CD247: variants seen among roughly 807,000 people sequenced by gnomAD.
CD247 encodes T-cell surface glycoprotein CD3 zeta chain.
CD247 carries 13 observed loss-of-function variants against 30.0 expected under a neutral mutation model. The ratio of observed to expected loss-of-function variants is 0.43; its 90% confidence interval spans 0.28 to 0.69. CD247 has a LOEUF of 0.69. CD247 is among the 30% of genes least tolerant of loss of function. CD247 has a pLI of 0.16. For missense variants in CD247, 193 were observed against 212.6 expected (o/e 0.91, Z 0.57); for synonymous variants, 72 against 80.0 (o/e 0.90, Z 0.53).
intron 5 of CD247, chr1:167,434,479 A>C: frequency 2.8e-6 from 1 of 352,644 alleles, no homozygotes; most frequent in Non-Finnish European, 5.5e-6. Context: ...CTCCCTCCCC[A>C]CAGGAGGGGC....
chr1:167,511,819 G>A (rs1367329994), intron 1 of CD247, among the ~76,000 whole-genome samples: 4 of 151,908 alleles, frequency 2.6e-5, no homozygotes, highest in African/African-American at 9.7e-5. Flanking sequence ...GGTTCTACTC[G>A]TAGGCAAGTC....
At chr1:167,504,778 G>T (rs1198552437) in intron 1 of CD247, among the ~76,000 whole-genome samples, 1 of 152,188 alleles carries the variant, frequency 6.6e-6, no homozygotes, top group Non-Finnish European at 1.5e-5. Flanking sequence ...GTTAGAATGG[G>T]CTTCATTAAA....
intron 7 of CD247, among the ~76,000 whole-genome samples, chr1:167,432,428 CAG>C (rs1287498252): frequency 6.6e-6 from 1 of 152,186 alleles, no homozygotes; most frequent in Non-Finnish European, 1.5e-5. Context: ...ACACTAGAGT[CAG>C]AAGAACGAGC....
chr1:167,440,482 C>T, intron 2 of CD247, 182 bp downstream of exon 2: 1 of 653,934 alleles, frequency 1.5e-6, no homozygotes. Flanking sequence ...TCCATCTCAG[C>T]CAGACACTGC....
chr1:167,439,328 G>A lies in CD247; in HGVS notation c.219+16C>T. 4 of 1,612,838 alleles carry A rather than the reference G, an allele frequency of 2.5e-6. No homozygotes were observed. The highest frequency in any genetic ancestry group is 3.4e-6 in the Non-Finnish European group (4 of 1,178,890). On this transcript the variant is annotated intron_variant, in intron 3 of 7. Transcript: ENST00000362089. ...TGCCCTTCCTTTCCGGAGGGTCTACGGCGAGGCTGACTTACGTTATAGAGC... is the reference window on the plus strand; with the variant it reads ...TGCCCTTCCTTTCCGGAGGGTCTACAGCGAGGCTGACTTACGTTATAGAGC...
intron 1 of CD247, among the ~76,000 whole-genome samples, chr1:167,481,132 C>T (rs536292813): frequency 1.3e-5 from 2 of 152,102 alleles, no homozygotes; most frequent in Admixed American, 1.3e-4. Flanking sequence ...ACAAAAAATA[C>T]AGAAATTACC....
chr1:167,447,055 G>A (rs886432143), intron 1 of CD247, among the ~76,000 whole-genome samples: 1 of 151,912 alleles, frequency 6.6e-6, no homozygotes, highest in Non-Finnish European at 1.5e-5. Flanking sequence ...TGGGAGCTCA[G>A]TAGTGTGTAG....
At chr1:167,464,419 G>C (rs2102035822) in intron 1 of CD247, among the ~76,000 whole-genome samples, 1 of 152,184 alleles carries the variant, frequency 6.6e-6, no homozygotes, top group South Asian at 2.1e-4. Context: ...TTTTCTTCAG[G>C]GGAAGATGGG....
At chr1:167,495,488 A>G (rs1478754343) in intron 1 of CD247, among the ~76,000 whole-genome samples, 1 of 152,180 alleles carries the variant, frequency 6.6e-6, no homozygotes, top group Admixed American at 6.5e-5. Context: ...TGTTTCTTGA[A>G]CAAACATCAC....
chr1:167,451,000 T>C lies in CD247; in HGVS notation c.59-10233A>G, dbSNP rs552497787. Among the ~76,000 whole-genome samples the C allele has an allele frequency of 5.3e-5, 8 of 152,062 alleles. No homozygotes were observed. The South Asian group carries it at 1.7e-3, about 32-fold the overall frequency. On this transcript the variant is annotated intron_variant, in intron 1 of 7. Coordinates refer to ENST00000362089, the MANE Select transcript of CD247 (RefSeq NM_198053.3). ...TATGAAGTGACAAAGAGATGTCTCC[T>C]GTTTTTCACAGGTGGTCAGAGCGGG...
chr1:167,491,592 A>G (rs567076311), intron 1 of CD247, among the ~76,000 whole-genome samples: 3 of 152,062 alleles, frequency 2.0e-5, no homozygotes, highest in Non-Finnish European at 2.9e-5. Flanking sequence ...TAGAACTATC[A>G]TATGGTCTAG....
intron 1 of CD247, among the ~76,000 whole-genome samples, chr1:167,473,984 C>T (rs1653645429): frequency 6.6e-6 from 1 of 152,096 alleles, no homozygotes; most frequent in Non-Finnish European, 1.5e-5. Flanking sequence ...ATGCCGTTTT[C>T]ATCTTGTACT....
At chr1:167,443,583 A>G (rs1651937735) in intron 1 of CD247, among the ~76,000 whole-genome samples, 1 of 152,232 alleles carries the variant, frequency 6.6e-6, no homozygotes, top group Non-Finnish European at 1.5e-5. Context: ...ACAGAAAATT[A>G]GAACAGAAAA....
At chr1:167,516,393 C>T (rs893186951) in intron 1 of CD247, among the ~76,000 whole-genome samples, 6 of 152,340 alleles carry the variant, frequency 3.9e-5, no homozygotes, top group Non-Finnish European at 7.3e-5. Context: ...TGCTTTGATC[C>T]TAATAATCTG....
chr1:167,464,674 TAGA>T (rs745529380), intron 1 of CD247, among the ~76,000 whole-genome samples: 16 of 152,066 alleles, frequency 1.1e-4, no homozygotes, highest in Admixed American at 2.6e-4. Flanking sequence ...ACAGGGTGAG[TAGA>T]AGAAGAGGGG....
chr1:167,487,497 A>C lies in CD247; in HGVS notation c.58+30911T>G, dbSNP rs116800295. Reference sequence around the variant, plus strand: ...ACCCACACTGCCAGGGAGCAGGTACAGGCAAGTCCCAGGACCCACTGGCAG... The same window carrying C: ...ACCCACACTGCCAGGGAGCAGGTACCGGCAAGTCCCAGGACCCACTGGCAG... On this transcript the variant is annotated intron_variant, in intron 1 of 7. Transcript: ENST00000362089. 2.5e-3 allele frequency among the ~76,000 whole-genome samples: 383 copies of C among 152,316 alleles called. 3 individuals carry two copies. Among genetic ancestry groups the C allele is most frequent in the African/African-American group, 8.6e-3 (358 of 41,562 alleles).
intron 1 of CD247, among the ~76,000 whole-genome samples, chr1:167,477,450 C>T (rs1477824289): frequency 1.3e-5 from 2 of 152,192 alleles, no homozygotes; most frequent in Non-Finnish European, 2.9e-5. Context: ...AGTTCCAGTG[C>T]CCAGAGCTTC....
intron 1 of CD247, among the ~76,000 whole-genome samples, chr1:167,470,385 T>A (rs1264490806): frequency 1.3e-5 from 2 of 152,012 alleles, no homozygotes; most frequent in African/African-American, 4.8e-5. Flanking sequence ...CAAACCTGCC[T>A]TTTCCAGGGT....
chr1:167,474,815 C>T (rs928438042), intron 1 of CD247, among the ~76,000 whole-genome samples: 5 of 142,990 alleles, frequency 3.5e-5, no homozygotes, highest in South Asian at 2.2e-4. Context: ...TGCAGTGGTA[C>T]GATCTCCACT....
Sources: allele counts gnomAD v4.1 joint callset (sites outside exome capture counted in the v4.1 genomes callset), GRCh38; gene constraint gnomAD v4.1.1; transcripts MANE v1.5; gene names NCBI Gene and HGNC (gene_info 2026-07-23, HGNC 2026-07-21).